Variants in CWF19L2 observed in about 807,000 individuals in gnomAD.
CWF19L2 encodes CWF19-like protein 2.
A neutral mutation model predicts 111.7 loss-of-function variants in CWF19L2; 98 were observed. The ratio of observed to expected loss-of-function variants is 0.88; its 90% CI spans 0.75 to 1.04. CWF19L2 has a LOEUF of 1.04. Among genes scored for constraint, CWF19L2 ranks in the 50% least tolerant of loss-of-function variants. CWF19L2 has a pLI of 0.00. For missense variants in CWF19L2, 1,101 were observed against 1,051.4 expected, an observed-to-expected ratio of 1.05 and a Z score of -0.65; for synonymous variants, 351 against 342.9, an observed-to-expected ratio of 1.02 and a Z score of -0.26.
At chr11:107,428,454 A>C (rs1861411363) in intron 8 of CWF19L2, among the ~76,000 whole-genome samples, 2 of 152,100 alleles carry the variant, frequency 1.3e-5, no homozygotes, top group African/African-American at 4.8e-5. Context: ...ACAATAAGAT[A>C]ATTTCCTTAG....
intron 1 of CWF19L2, 63 bp downstream of exon 1, chr11:107,457,649 G>T: frequency 1.6e-6 from 2 of 1,237,060 alleles, no homozygotes. Context: ...GAGTGGGCTA[G>T]CTTACGGGAA....
chr11:107,397,538 C>T (rs1860942124), intron 10 of CWF19L2, among the ~76,000 whole-genome samples: 1 of 152,034 alleles, frequency 6.6e-6, no homozygotes, highest in Non-Finnish European at 1.5e-5. Context: ...AGTCTGAGCT[C>T]AGGCAGGCCT....
At chr11:107,401,901 A>G (rs948482220) in intron 10 of CWF19L2, among the ~76,000 whole-genome samples, 3 of 152,210 alleles carry the variant, frequency 2.0e-5, no homozygotes, top group Non-Finnish European at 4.4e-5. Flanking sequence ...CCAATGTAAC[A>G]GAATAGAGAA....
chr11:107,389,945 T>C, intron 12 of CWF19L2, 129 bp downstream of exon 12: 2 of 774,450 alleles, frequency 2.6e-6, no homozygotes, highest in Non-Finnish European at 4.0e-6. Flanking sequence ...CTAATAAGTC[T>C]TACAAAGGAT....
At chr11:107,456,264 T>A (rs753778287) in intron 1 of CWF19L2, among the ~76,000 whole-genome samples, 1 of 152,212 alleles carries the variant, frequency 6.6e-6, no homozygotes, top group Non-Finnish European at 1.5e-5. Flanking sequence ...CATTCTTCAA[T>A]GATAGTCAAA....
Position 107,401,636 on chromosome 11 carries a change from T to C in CWF19L2, c.1618-8741A>G, listed in dbSNP as rs575824260. On this transcript the variant is annotated intron_variant, in intron 10 of 17. Transcript: ENST00000282251. ...TGCTCATGGGTGAGTAGAATCAATA[T>C]TGTGAAAATGACCATACTGCCAAAA... Among the ~76,000 whole-genome samples the C allele has an allele frequency of 2.0e-5, 3 of 152,170 alleles. No homozygotes were observed. In the East Asian group the frequency reaches 5.8e-4, roughly 29 times the overall value.
chr11:107,353,931 C>T (rs1860197650), intron 12 of CWF19L2, among the ~76,000 whole-genome samples, 195 bp from the exon 13 acceptor site: 1 of 152,138 alleles, frequency 6.6e-6, no homozygotes, highest in Admixed American at 6.6e-5. Context: ...CTAAAGTTTA[C>T]TGAATATTTA....
At chr11:107,385,478 G>A (rs148597395) in intron 12 of CWF19L2, among the ~76,000 whole-genome samples, 58 of 151,902 alleles carry the variant, frequency 3.8e-4, no homozygotes, top group African/African-American at 1.9e-4. Context: ...TTATCTAAAC[G>A]TCAATTTATC....
At chr11:107,455,935 T>C (rs888952688) in intron 1 of CWF19L2, among the ~76,000 whole-genome samples, 159 bp from the exon 2 acceptor site, 2 of 151,978 alleles carry the variant, frequency 1.3e-5, no homozygotes, top group African/African-American at 2.4e-5. Flanking sequence ...TGTAAAAAAA[T>C]AAAAAAATAA....
intron 3 of CWF19L2, among the ~76,000 whole-genome samples, chr11:107,452,029 T>C (rs1244770548): frequency 6.6e-6 from 1 of 152,206 alleles, no homozygotes; most frequent in Non-Finnish European, 1.5e-5. Flanking sequence ...AAGGCAATCA[T>C]GTCCACTCTC....
At chr11:107,444,041 C>T (rs1372529018) in intron 3 of CWF19L2, among the ~76,000 whole-genome samples, 4 of 151,822 alleles carry the variant, frequency 2.6e-5, no homozygotes, top group Admixed American at 6.6e-5. Flanking sequence ...TCTCCTCTCA[C>T]GGCATTAACC....
At chr11:107,378,836 AT>A (rs1311368940) in intron 12 of CWF19L2, among the ~76,000 whole-genome samples, 2 of 146,574 alleles carry the variant, frequency 1.4e-5, no homozygotes, top group African/African-American at 4.9e-5. Context: ...CAATAAATAT[AT>A]ATTGTAACAA....
At chr11:107,394,907 T>C (rs1860900447) in intron 10 of CWF19L2, among the ~76,000 whole-genome samples, 1 of 152,224 alleles carries the variant, frequency 6.6e-6, no homozygotes, top group African/African-American at 2.4e-5. Flanking sequence ...GGAACATTTA[T>C]CACCAGAACA....
chr11:107,387,462 C>CAAAAAAA (rs201064466), intron 12 of CWF19L2, among the ~76,000 whole-genome samples: 1 of 97,864 alleles, frequency 1.0e-5, no homozygotes, highest in South Asian at 3.2e-4. Context: ...CAAAACAAAA[C>CAAAAAAA]AAAACAAAAA....
rs781752146 is a variant in CWF19L2, at chr11:107,429,231, C to T, written c.1001G>A (p.Gly334Asp). 7.4e-6 allele frequency: 12 copies of T among 1,612,346 alleles called. No homozygotes were observed. The South Asian group carries it at 7.7e-5, about 10-fold the overall frequency. ...AKNSNNEKFI[G>D]DEKDKRPGSL... ...CCCAGGTCTCTTATCTTTTTCATCA[C>T]CAATAAATTTTTCATTATTGCTATT... is the stretch of plus-strand genomic sequence containing the variant. The change falls in exon 8 of 18, where the codon GGT (glycine) becomes GAT (aspartate). Residue 334 changes from glycine to aspartate, a missense_variant. By Grantham distance (94) the Gly-to-Asp change is moderately conservative. Transcript: ENST00000282251.
Position 107,441,607 on chromosome 11 carries a change from T to TCATC in CWF19L2, c.462_465dup (p.Thr156AspfsTer4), listed in dbSNP as rs1861620152. On this transcript the variant is annotated frameshift_variant, in exon 5 of 18. Coordinates refer to ENST00000282251, the MANE Select transcript of CWF19L2 (RefSeq NM_152434.3). LOFTEE classifies it high-confidence loss of function. ...GTTTTAACAGACATAAAATCAACAGTCATCCACTCATCCCTCTGTTAAAAA... is the reference window on the plus strand; with the variant it reads ...GTTTTAACAGACATAAAATCAACAGTCATCCATCCACTCATCCCTCTGTTAAAAA... 2.0e-6 allele frequency: 3 copies of TCATC among 1,532,016 alleles called. No individual in the cohort carries two copies. Among genetic ancestry groups the TCATC allele is most frequent in the Non-Finnish European group, 2.6e-6 (3 of 1,140,944 alleles). 94.9% of individuals were successfully genotyped at this position (1,532,016 alleles called of 1,614,324 possible). A position where few individuals can be genotyped will look rare whatever the true frequency, so the allele number is the denominator to read the frequency against.
intron 10 of CWF19L2, among the ~76,000 whole-genome samples, chr11:107,412,412 C>G (rs1320176440): frequency 6.6e-6 from 1 of 152,184 alleles, no homozygotes; most frequent in African/African-American, 2.4e-5. Context: ...ACAATCTCAG[C>G]TCACTGCAAT....
chr11:107,341,604 T>C (rs1046859480), intron 14 of CWF19L2, among the ~76,000 whole-genome samples: 1 of 152,166 alleles, frequency 6.6e-6, no homozygotes, highest in African/African-American at 2.4e-5. Context: ...ATCAGGATAA[T>C]ACAAACTCCC....
At chr11:107,390,051 G>C (rs773881752) in intron 12 of CWF19L2, 23 bp downstream of exon 12, 1 of 1,603,908 alleles carries the variant, frequency 6.2e-7, no homozygotes, top group African/African-American at 1.3e-5. Context: ...AAAATTCAGA[G>C]GTATCCTAGG....
Sources: gnomAD v4.1 joint callset for allele counts (sites outside exome capture counted in the v4.1 genomes callset) on GRCh38, gnomAD v4.1.1 for gene constraint, MANE v1.5 for transcripts, NCBI Gene and HGNC (gene_info 2026-07-23, HGNC 2026-07-21) for gene names.